The following PLPPR4 variants were observed in gnomAD, a reference collection of about 807,000 sequenced individuals.
The protein encoded by PLPPR4 is phospholipid phosphatase related 4, also known as phospholipid phosphatase-related protein type 4.
Under a neutral mutation model 56.6 loss-of-function variants are expected in PLPPR4, and 24 were observed. The ratio of observed to expected loss-of-function variants is 0.42; its 90% CI spans 0.31 to 0.60. PLPPR4 has a LOEUF of 0.60. Ranked by LOEUF, PLPPR4 falls within the 20% of genes least tolerant of loss-of-function variation. The pLI is 0.13. For synonymous variants in PLPPR4, 326 were observed against 328.1 expected, an observed-to-expected ratio of 0.99 and a Z score of 0.07; for missense variants, 654 against 885.8, an observed-to-expected ratio of 0.74 and a Z score of 3.32.
At chr1:99,298,837 G>A (rs759078833) in intron 3 of PLPPR4, 198 bp from the exon 4 acceptor site, 26 of 657,816 alleles carry the variant, frequency 4.0e-5, no homozygotes, top group Non-Finnish European at 6.5e-5. Context: ...TTACTACTTT[G>A]GAGATACTCA....
intron 5 of PLPPR4, among the ~76,000 whole-genome samples, 199 bp from the exon 6 acceptor site, chr1:99,301,525 A>G (rs191332801): frequency 6.6e-6 from 1 of 152,148 alleles, no homozygotes; most frequent in Admixed American, 6.6e-5. Flanking sequence ...TCCAACTTTC[A>G]TGTAATTAAT....
At chr1:99,276,943 T>C (rs1659201931) in intron 1 of PLPPR4, among the ~76,000 whole-genome samples, 1 of 152,168 alleles carries the variant, frequency 6.6e-6, no homozygotes. Context: ...GGGATGAGCA[T>C]TGTTATGATG....
At chr1:99,292,185 T>A (rs1231509143) in intron 2 of PLPPR4, among the ~76,000 whole-genome samples, 1 of 152,298 alleles carries the variant, frequency 6.6e-6, no homozygotes, top group Middle Eastern at 3.4e-3. Context: ...CAGGGTATTT[T>A]ATCAAGTTGC....
At chr1:99,278,732 C>A (rs1009464157) in intron 1 of PLPPR4, among the ~76,000 whole-genome samples, 1 of 152,144 alleles carries the variant, frequency 6.6e-6, no homozygotes, top group Non-Finnish European at 1.5e-5. Flanking sequence ...GGTAATAAAA[C>A]AACCACTTAT....
Position 99,305,684 on chromosome 1 carries a change from G to C in PLPPR4, c.823-1G>C. ...ATTTATTGCTTTCTCTCAAACACTA[G>C]GGCTTGTATGCTGTGGGGAATTTCC... On this transcript the variant is annotated splice_acceptor_variant, in intron 6 of 6. Transcript: ENST00000370185. LOFTEE classifies it high-confidence loss of function. 1 of 1,609,794 alleles carries C rather than the reference G, an allele frequency of 6.2e-7. No homozygotes were observed. The highest frequency in any genetic ancestry group is 8.5e-7 in the Non-Finnish European group (1 of 1,178,166).
chr1:99,276,085 C>A (rs567634717), intron 1 of PLPPR4, among the ~76,000 whole-genome samples: 1 of 152,244 alleles, frequency 6.6e-6, no homozygotes, highest in Admixed American at 6.5e-5. Flanking sequence ...ACTTCAATAT[C>A]TCTTTTACAT....
At chr1:99,274,551 G>A (rs2100786984) in intron 1 of PLPPR4, among the ~76,000 whole-genome samples, 1 of 152,158 alleles carries the variant, frequency 6.6e-6, no homozygotes, top group South Asian at 2.1e-4. Context: ...ATACAATGGT[G>A]GAGCAGTTTA....
Position 99,306,193 on chromosome 1 carries a change from G to C in PLPPR4, c.1331G>C (p.Gly444Ala). 6.2e-7 allele frequency: 1 copy of C among 1,614,058 alleles called. No individual in the cohort carries two copies. The change falls in exon 7 of 7, where the codon GGA (glycine) becomes GCA (alanine). Residue 444 changes from glycine to alanine, a missense_variant. Gly to Ala is a moderately conservative substitution (Grantham distance 60). This residue lies in a region of PLPPR4 where 468 missense variants were observed against 554.3 expected (regional missense o/e 0.84). Coordinates refer to ENST00000370185, the MANE Select transcript of PLPPR4 (RefSeq NM_014839.5). This position sits in a 1 kb window ranked among gnomAD's most constrained non-coding sequence, Gnocchi z 4.0. The stretch of plus-strand genomic sequence containing the variant: ...GAGCCATCGAGGGTAGGGGTGAATG[G>C]AGACCACCATGGTCCTGGCAATCAG... ...SSEPSRVGVN[G>A]DHHGPGNQYL...
At position 99,307,039 on chromosome 1, in the gene PLPPR4, T is replaced by G; in HGVS notation, c.*29T>G. 6.4e-7 allele frequency: 1 copy of G among 1,552,742 alleles called. No individual in the cohort carries two copies. Among genetic ancestry groups the G allele is most frequent in the South Asian group, 1.2e-5 (1 of 82,266 alleles). The stretch of plus-strand genomic sequence containing the variant: ...ATGTCCATTCCATCATTAGGGCTAC[T>G]CGCAAAAGACCATATGTTGATTCTA... On this transcript the variant is annotated 3_prime_UTR_variant, in exon 7 of 7. Coordinates refer to ENST00000370185, the MANE Select transcript of PLPPR4 (RefSeq NM_014839.5).
rs914563379 is a variant in PLPPR4, at chr1:99,307,868, T to C, written c.*858T>C. ...GAATCTTTTGAAATTGTTGTGATCATATTTTGCTTTCTATGGCTTCTCCTT... is the reference window on the plus strand; with the variant it reads ...GAATCTTTTGAAATTGTTGTGATCACATTTTGCTTTCTATGGCTTCTCCTT... On this transcript the variant is annotated 3_prime_UTR_variant, in exon 7 of 7. Transcript: ENST00000370185. 3.3e-5 allele frequency: 5 copies of C among 152,234 alleles called. No homozygotes were observed. Among genetic ancestry groups the C allele is most frequent in the African/African-American group, 1.2e-4 (5 of 41,470 alleles). The allele number at this position is 152,234 out of a possible 1,614,324, so 9.4% of individuals were successfully genotyped here. A position where few individuals can be genotyped will look rare whatever the true frequency, so the allele number is the denominator to read the frequency against.
intron 1 of PLPPR4, among the ~76,000 whole-genome samples, chr1:99,286,849 T>C (rs1199328515): frequency 6.6e-6 from 1 of 152,222 alleles, no homozygotes; most frequent in Non-Finnish European, 1.5e-5. Flanking sequence ...TTGGATTTTA[T>C]TCAAGTTGAG....
intron 6 of PLPPR4, among the ~76,000 whole-genome samples, chr1:99,304,961 A>C (rs1302895172): frequency 6.6e-6 from 1 of 152,200 alleles, no homozygotes; most frequent in Admixed American, 6.5e-5. Context: ...AACAAACAAA[A>C]AAAGATACAC....
At position 99,308,329 on chromosome 1, in the gene PLPPR4, G is replaced by C. The variant is rs1660098176; in HGVS notation, c.*1319G>C. 2 of 151,920 alleles carry C rather than the reference G, an allele frequency of 1.3e-5. No homozygotes were observed. Among genetic ancestry groups the C allele is most frequent in the African/African-American group, 4.8e-5 (2 of 41,322 alleles). The allele number at this position is 151,920 out of a possible 1,614,324, so 9.4% of individuals were successfully genotyped here. On this transcript the variant is annotated 3_prime_UTR_variant, in exon 7 of 7. Coordinates refer to ENST00000370185, the MANE Select transcript of PLPPR4 (RefSeq NM_014839.5). ...GACTTTCTTCAAAATATCTGAATAG[G>C]TGCAGTTTTAGTTTAACATGCAAAC...
At chr1:99,287,036 C>T (rs1378123753) in intron 1 of PLPPR4, among the ~76,000 whole-genome samples, 4 of 152,126 alleles carry the variant, frequency 2.6e-5, no homozygotes, top group Non-Finnish European at 5.9e-5. Context: ...GTTCCCTCCC[C>T]TCAACCCTCA....
intron 2 of PLPPR4, 70 bp downstream of exon 2, chr1:99,288,220 A>T (rs921158970): frequency 4.4e-5 from 62 of 1,400,344 alleles, no homozygotes; most frequent in Non-Finnish European, 5.8e-5. Flanking sequence ...TGTATAATAA[A>T]TGGGTTCAAA....
chr1:99,272,981 A>G (rs1329521759), intron 1 of PLPPR4, among the ~76,000 whole-genome samples: 1 of 152,156 alleles, frequency 6.6e-6, no homozygotes, highest in African/African-American at 2.4e-5. Context: ...GGTGATATTT[A>G]AACTGTGAAA....
At chr1:99,264,776 C>A in intron 1 of PLPPR4, 105 bp downstream of exon 1, 1 of 1,255,514 alleles carries the variant, frequency 8.0e-7, no homozygotes, top group Admixed American at 2.0e-5. Context: ...GCCGGGCGCG[C>A]GCGGCTGTCC....
chr1:99,292,975 G>A (rs1239805749), intron 2 of PLPPR4, among the ~76,000 whole-genome samples: 2 of 152,014 alleles, frequency 1.3e-5, no homozygotes, highest in Non-Finnish European at 2.9e-5. Context: ...TGACTTCAAG[G>A]ATGCCAGTTT....
At chr1:99,288,450 T>C (rs1235078439) in intron 2 of PLPPR4, among the ~76,000 whole-genome samples, 3 of 152,012 alleles carry the variant, frequency 2.0e-5, no homozygotes, top group African/African-American at 7.2e-5. Flanking sequence ...ACATTTCTGA[T>C]ATACTTCCTA....
Sources: allele counts gnomAD v4.1 joint callset (sites outside exome capture counted in the v4.1 genomes callset), GRCh38; gene constraint gnomAD v4.1.1; regional missense constraint gnomAD v4.1.1; non-coding constraint Gnocchi (gnomAD v3.1); transcripts MANE v1.5; gene names NCBI Gene and HGNC (gene_info 2026-07-23, HGNC 2026-07-21).